Variants in CCL28 observed in about 807,000 individuals in gnomAD.
CCL28 encodes the protein C-C motif chemokine 28.
In CCL28, 4 loss-of-function variants were observed where a neutral mutation model predicts 7.1. The observed-to-expected ratio is 0.56, with a 90% CI of 0.28 to 1.29. The LOEUF is 1.29. CCL28 is among the 50% of genes most tolerant of loss of function. The probability of loss-of-function intolerance (pLI) is 0.11; values close to 1 mark genes in which losing one functional copy is unlikely to be tolerated. For synonymous variants in CCL28, 55 were observed against 57.8 expected (o/e 0.95, Z 0.22); for missense variants, 151 against 163.4 (o/e 0.92, Z 0.41).
the CCL28 span, among the ~76,000 whole-genome samples, chr5:43,362,037 T>C: frequency 2.0e-5 from 3 of 152,304 alleles, no homozygotes; most frequent in African/African-American, 7.2e-5. Context: ...GTGAAGAATG[T>C]CATTGGTAGT....
chr5:43,366,009 C>G, the CCL28 span, among the ~76,000 whole-genome samples: 1 of 152,110 alleles, frequency 6.6e-6, no homozygotes, highest in Non-Finnish European at 1.5e-5. Context: ...TTTTTCAGCT[C>G]CTTCAGGTCA....
chr5:43,367,117 C>A, the CCL28 span, among the ~76,000 whole-genome samples: 17 of 152,382 alleles, frequency 1.1e-4, no homozygotes, highest in African/African-American at 4.1e-4. Flanking sequence ...GGACTTCAGA[C>A]TGCTGTGCTG....
chr5:43,408,384 C>G (rs1347508010), intron 1 of CCL28, among the ~76,000 whole-genome samples: 1 of 152,148 alleles, frequency 6.6e-6, no homozygotes, highest in Non-Finnish European at 1.5e-5. Context: ...CAAACTATTG[C>G]AAGGACAGAA....
intron 1 of CCL28, among the ~76,000 whole-genome samples, chr5:43,391,954 T>A (rs1740589827): frequency 6.6e-6 from 1 of 152,178 alleles, no homozygotes; most frequent in Non-Finnish European, 1.5e-5. Context: ...TATACTTTAT[T>A]TGCTTTTCTA....
At chr5:43,368,444 G>A in the CCL28 span, among the ~76,000 whole-genome samples, 1 of 152,130 alleles carries the variant, frequency 6.6e-6, no homozygotes, top group Non-Finnish European at 1.5e-5. Flanking sequence ...TGGCCATGCG[G>A]CTAACTGCTG....
At chr5:43,366,718 T>C in the CCL28 span, among the ~76,000 whole-genome samples, 2 of 152,192 alleles carry the variant, frequency 1.3e-5, no homozygotes, top group Admixed American at 1.3e-4. Context: ...CAGGCTGGAA[T>C]GTCTAAGTCT....
the CCL28 span, among the ~76,000 whole-genome samples, chr5:43,366,478 T>G: frequency 6.6e-6 from 1 of 152,228 alleles, no homozygotes; most frequent in Admixed American, 6.5e-5. Context: ...CCTGTTTGCC[T>G]AGGTATCACC....
chr5:43,390,684 G>T (rs1056241294), intron 1 of CCL28, among the ~76,000 whole-genome samples: 1 of 152,218 alleles, frequency 6.6e-6, no homozygotes, highest in African/African-American at 2.4e-5. Flanking sequence ...CTGGGAGTAA[G>T]GGTTCTGATT....
At chr5:43,409,318 C>T (rs557479636) in intron 1 of CCL28, among the ~76,000 whole-genome samples, 1 of 152,188 alleles carries the variant, frequency 6.6e-6, no homozygotes, top group Admixed American at 6.5e-5. Context: ...CCCAGCTACT[C>T]AGGAGGCTGA....
At chr5:43,390,867 C>T (rs182423693) in intron 1 of CCL28, among the ~76,000 whole-genome samples, 1 of 152,320 alleles carries the variant, frequency 6.6e-6, no homozygotes, top group East Asian at 1.9e-4. Flanking sequence ...CCCAGAACAT[C>T]ACAATTTCTA....
chr5:43,372,319 C>T (rs140132678), downstream of CCL28, among the ~76,000 whole-genome samples: 571 of 152,256 alleles, frequency 3.8e-3, 2 homozygotes, highest in African/African-American at 0.013. Context: ...GAAGAGGACT[C>T]GTGTCCTTTA....
chr5:43,398,147 C>T (rs1215534273), intron 1 of CCL28, among the ~76,000 whole-genome samples: 1 of 152,176 alleles, frequency 6.6e-6, no homozygotes, highest in Non-Finnish European at 1.5e-5. Context: ...TAACAGACAC[C>T]GAGTATATAA....
At chr5:43,358,574 C>T in the CCL28 span, among the ~76,000 whole-genome samples, 8 of 152,076 alleles carry the variant, frequency 5.3e-5, no homozygotes, top group African/African-American at 1.9e-4. Flanking sequence ...ATCTGTTGGA[C>T]CTAGTGCAGA....
rs1740646341 is a variant in CCL28, at chr5:43,393,089, C to T, written c.65-4613G>A. The stretch of plus-strand genomic sequence containing the variant: ...AAAAAAAGTTTTTGCATGAGAATAC[C>T]TATTGTCTCAGAACTATAGTGGTAA... On this transcript the variant is annotated intron_variant, in intron 1 of 2. Coordinates refer to ENST00000361115, the MANE Select transcript of CCL28 (RefSeq NM_148672.3). Among the ~76,000 whole-genome samples the T allele has an allele frequency of 2.0e-5, 3 of 152,136 alleles. No homozygotes were observed. The South Asian group carries it at 6.2e-4, about 32-fold the overall frequency.
intron 1 of CCL28, among the ~76,000 whole-genome samples, chr5:43,405,165 A>G (rs1741217520): frequency 6.6e-6 from 1 of 152,236 alleles, no homozygotes; most frequent in African/African-American, 2.4e-5. Flanking sequence ...CCTAATAGAC[A>G]TCTACAGAAC....
chr5:43,409,643 T>C (rs1390852004), intron 1 of CCL28, among the ~76,000 whole-genome samples: 1 of 151,930 alleles, frequency 6.6e-6, no homozygotes, highest in Non-Finnish European at 1.5e-5. Context: ...CTCTAGCAAG[T>C]ATTGGTGTGA....
At chr5:43,368,373 T>C in the CCL28 span, among the ~76,000 whole-genome samples, 2 of 152,238 alleles carry the variant, frequency 1.3e-5, no homozygotes, top group African/African-American at 2.4e-5. Context: ...CAGTTTTGGC[T>C]GGCAGGTGGC....
chr5:43,381,070 G>A lies in CCL28; in HGVS notation c.*790C>T. 1 of 150,544 alleles carries A rather than the reference G, an allele frequency of 6.6e-6. No individual in the cohort carries two copies. Among genetic ancestry groups the A allele is most frequent in the African/African-American group, 2.5e-5 (1 of 40,096 alleles). 9.3% of individuals were successfully genotyped at this position (150,544 alleles called of 1,614,324 possible). A position where few individuals can be genotyped will look rare whatever the true frequency, so the allele number is the denominator to read the frequency against. On this transcript the variant is annotated 3_prime_UTR_variant, in exon 3 of 3. Transcript: ENST00000361115. Reference sequence around the variant, plus strand: ...ATGTCTTTATTTTAGGGTATGTCAAGTTATAACACCAAAAAGAAACTAGGG... The same window carrying A: ...ATGTCTTTATTTTAGGGTATGTCAAATTATAACACCAAAAAGAAACTAGGG...
chr5:43,407,681 G>T (rs916717111), intron 1 of CCL28, among the ~76,000 whole-genome samples: 26 of 152,138 alleles, frequency 1.7e-4, no homozygotes, highest in Admixed American at 5.2e-4. Flanking sequence ...CACAGCAAAA[G>T]AAAATACCAT....
Sources: allele counts gnomAD v4.1 joint callset (sites outside exome capture counted in the v4.1 genomes callset), GRCh38; gene constraint gnomAD v4.1.1; transcripts MANE v1.5; gene names NCBI Gene and HGNC (gene_info 2026-07-23, HGNC 2026-07-21).